SPDYE18: variants seen among roughly 807,000 people sequenced by gnomAD.
SPDYE18 encodes the protein speedy/RINGO cell cycle regulator family member E18, also known as speedy protein E18.
In SPDYE18, 6 loss-of-function variants were observed where a neutral mutation model predicts 44.9. That is an observed-to-expected ratio of 0.13 (90% CI 0.07 to 0.26). The LOEUF (loss-of-function observed/expected upper bound fraction) is 0.26, where lower values mean the gene tolerates loss of function less well. Ranked by LOEUF, SPDYE18 falls within the 10% of genes least tolerant of loss-of-function variation. The pLI is 1.00. For missense variants in SPDYE18, 121 were observed against 463.2 expected (o/e 0.26, Z 6.78); for synonymous variants, 35 against 177.1 (o/e 0.20, Z 6.37).
rs1276504225 is a variant in SPDYE18, at chr7:77,050,962, C to A, written c.*963G>T. Among the ~76,000 whole-genome samples, 2 of 150,636 alleles carry A rather than the reference C, an allele frequency of 1.3e-5. No individual in the cohort carries two copies. Among genetic ancestry groups the A allele is most frequent in the Admixed American group, 1.3e-4 (2 of 15,142 alleles). On this transcript the variant is annotated 3_prime_UTR_variant, in exon 9 of 9. Coordinates refer to ENST00000510091, the MANE Select transcript of SPDYE18 (RefSeq NM_001394953.1). ...AAATAATACTTAAATAATTCTATAC[C>A]CATGTTTTTCAAAATAAACCAATAA...
rs1265435274 is a variant in SPDYE18 at position 77,061,443 on chromosome 7, A to C, written c.-421-510T>G. 3.5e-4 allele frequency among the ~76,000 whole-genome samples: 44 copies of C among 127,276 alleles called. 1 individual carries two copies. Among genetic ancestry groups the C allele is most frequent in the African/African-American group, 1.3e-3 (43 of 33,632 alleles). 83.5% of individuals were successfully genotyped at this position (127,276 alleles called of 152,430 possible). A position where few individuals can be genotyped will look rare whatever the true frequency, so the allele number is the denominator to read the frequency against. On this transcript the variant is annotated intron_variant, in intron 1 of 8. Coordinates refer to ENST00000510091, the MANE Select transcript of SPDYE18 (RefSeq NM_001394953.1). ...TTCCATTTATGGATTCTATGAATAAAATATCACATGTACAAAAAGACTAAG... is the reference window on the plus strand; with the variant it reads ...TTCCATTTATGGATTCTATGAATAACATATCACATGTACAAAAAGACTAAG...
Position 77,051,367 on chromosome 7 carries a change from A to G in SPDYE18, c.*558T>C, listed in dbSNP as rs1789793073. 6.6e-6 allele frequency among the ~76,000 whole-genome samples: 1 copy of G among 152,294 alleles called. No individual in the cohort carries two copies. Among genetic ancestry groups the G allele is most frequent in the Non-Finnish European group, 1.5e-5 (1 of 68,056 alleles). On this transcript the variant is annotated 3_prime_UTR_variant, in exon 9 of 9. Coordinates refer to ENST00000510091, the MANE Select transcript of SPDYE18 (RefSeq NM_001394953.1). ...TGTTTTCAAAAGTACAACAATTTCC[A>G]AACTATTTGAAATAAATCTATGAAT...
chr7:77,051,062 T>G lies in SPDYE18; in HGVS notation c.*863A>C, dbSNP rs1362019704. Among the ~76,000 whole-genome samples the G allele has an allele frequency of 1.3e-5, 2 of 151,916 alleles. No homozygotes were observed. The highest frequency in any genetic ancestry group is 1.5e-5 in the Non-Finnish European group (1 of 67,908). On this transcript the variant is annotated 3_prime_UTR_variant, in exon 9 of 9. Coordinates refer to ENST00000510091, the MANE Select transcript of SPDYE18 (RefSeq NM_001394953.1). ...AAAAATCACAACTGAATTCTCACAA[T>G]TCAGTCACAAACCTAAACAGCAAAT... is the stretch of plus-strand genomic sequence containing the variant.
In SPDYE18 at chr7:77,051,156, A is replaced by G. The variant is rs1427904737; in HGVS notation, c.*769T>C. ...CTACCAATAGCTATAAATAGAAGAG[A>G]TTTTTATGGAAGTATCATAGATAAA... On this transcript the variant is annotated 3_prime_UTR_variant, in exon 9 of 9. Transcript: ENST00000510091. Among the ~76,000 whole-genome samples the G allele has an allele frequency of 6.6e-6, 1 of 152,078 alleles. No homozygotes were observed. The highest frequency in any genetic ancestry group is 1.5e-5 in the Non-Finnish European group (1 of 68,008).
In SPDYE18 at chr7:77,058,697, A is replaced by G. The variant is rs940215504; in HGVS notation, c.379+483T>C. Among the ~76,000 whole-genome samples the G allele has an allele frequency of 7.4e-5, 11 of 148,942 alleles. No individual in the cohort carries two copies. The East Asian group carries it at 8.1e-4, about 11-fold the overall frequency. ...TTGTTAGTATAAATGAGGTTTCGCTATATTGGTCTGGTTGGTCTCGAACAA... is the reference window on the plus strand; with the variant it reads ...TTGTTAGTATAAATGAGGTTTCGCTGTATTGGTCTGGTTGGTCTCGAACAA... On this transcript the variant is annotated intron_variant, in intron 3 of 8. Coordinates refer to ENST00000510091, the MANE Select transcript of SPDYE18 (RefSeq NM_001394953.1).
Position 77,060,430 on chromosome 7 carries a change from T to C in SPDYE18, c.83A>G (p.Asn28Ser), listed in dbSNP as rs989011285. 2.8e-5 allele frequency: 43 copies of C among 1,535,418 alleles called. No homozygotes were observed. Among genetic ancestry groups the C allele is most frequent in the Non-Finnish European group, 3.4e-5 (39 of 1,146,858 alleles). Residue 28 changes from asparagine (N) to serine (S), a missense_variant, in exon 2 of 9, where the codon AAT (asparagine) becomes AGT (serine). Physicochemically the swap from Asn to Ser is conservative, Grantham distance 46. Coordinates refer to ENST00000510091, the MANE Select transcript of SPDYE18 (RefSeq NM_001394953.1). ...ITTSRQPHPQ[N>S]EQSLQRSTSG... is the part of the protein sequence containing the mutation. ...GGTGCTCCGCTGGAGACTCTGCTCA[T>C]TCTGGGGGTGCGGTTGACGGCTGGT...
At chr7:77,056,372 T>C (rs1583976888) in intron 5 of SPDYE18, among the ~76,000 whole-genome samples, 178 bp downstream of exon 5, 1 of 68,356 alleles carries the variant, frequency 1.5e-5, no homozygotes, top group African/African-American at 5.2e-5. Context: ...ATCGAGACAC[T>C]GCCCTCCAGC....
At position 77,060,907 on chromosome 7, in the gene SPDYE18, C is replaced by G. The variant is rs1790011292; in HGVS notation, c.-395G>C. 6.6e-6 allele frequency among the ~76,000 whole-genome samples: 1 copy of G among 151,566 alleles called. No individual in the cohort carries two copies. Among genetic ancestry groups the G allele is most frequent in the Non-Finnish European group, 1.5e-5 (1 of 67,972 alleles). ...GAAGCATGTTGGGGTCTCTTCATCT[C>G]TGTACATGCCCATTTCAGAGTCCAG... On this transcript the variant is annotated 5_prime_UTR_variant, in exon 2 of 9. Coordinates refer to ENST00000510091, the MANE Select transcript of SPDYE18 (RefSeq NM_001394953.1).
intron 8 of SPDYE18, among the ~76,000 whole-genome samples, chr7:77,052,350 C>T (rs1382465963): frequency 1.9e-3 from 288 of 152,142 alleles, no homozygotes; most frequent in African/African-American, 6.5e-3. Context: ...GTTAGCTGCA[C>T]AAGATGTAAA....
chr7:77,057,521 A>G (rs200613679), intron 4 of SPDYE18, 116 bp downstream of exon 4: 179,434 of 568,138 alleles, frequency 0.32, 24,578 homozygotes, highest in African/African-American at 0.54. Context: ...CATTCCTCCC[A>G]CATGGAGAGC....
intron 2 of SPDYE18, 115 bp from the exon 3 acceptor site, chr7:77,059,513 T>G (rs1789985936): frequency 6.7e-7 from 1 of 1,482,354 alleles, no homozygotes; most frequent in Non-Finnish European, 8.8e-7. Context: ...TGCTGGCTTC[T>G]CTAAGCCATC....
At chr7:77,057,176 T>C (rs1789937920) in intron 4 of SPDYE18, among the ~76,000 whole-genome samples, 1 of 152,296 alleles carries the variant, frequency 6.6e-6, no homozygotes, top group Non-Finnish European at 1.5e-5. Flanking sequence ...CTGCAACCTC[T>C]GCCTCCTGGG....
intron 1 of SPDYE18, among the ~76,000 whole-genome samples, 54 bp downstream of exon 1, chr7:77,062,440 GCT>G: frequency 6.6e-6 from 1 of 152,008 alleles, no homozygotes; most frequent in South Asian, 2.1e-4. Context: ...GGAATGAAAA[GCT>G]CTGATTTAAC....
intron 6 of SPDYE18, 102 bp from the exon 7 acceptor site, chr7:77,053,305 A>T: frequency 1.3e-6 from 2 of 1,507,950 alleles, no homozygotes; most frequent in Non-Finnish European, 1.8e-6. Flanking sequence ...TCCCTAGCTC[A>T]GGACTGGCAC....
chr7:77,057,165 G>A (rs3972501), intron 4 of SPDYE18, among the ~76,000 whole-genome samples: 10 of 152,338 alleles, frequency 6.6e-5, no homozygotes, highest in East Asian at 5.8e-4. Context: ...ATCTTGGCTC[G>A]CTGCAACCTC....
At chr7:77,054,872 G>A (rs1320259754) in intron 6 of SPDYE18, among the ~76,000 whole-genome samples, 1 of 152,138 alleles carries the variant, frequency 6.6e-6, no homozygotes, top group African/African-American at 2.4e-5. Context: ...GGTTCAAAGG[G>A]TTCTCTTGCC....
At chr7:77,053,750 A>AT (rs1446338008) in intron 6 of SPDYE18, among the ~76,000 whole-genome samples, 2 of 151,852 alleles carry the variant, frequency 1.3e-5, no homozygotes, top group Non-Finnish European at 2.9e-5. Context: ...GAAGCATAAG[A>AT]ATTGTGTGAA....
At chr7:77,062,233 A>C (rs1336012484) in intron 1 of SPDYE18, among the ~76,000 whole-genome samples, 3 of 145,404 alleles carry the variant, frequency 2.1e-5, no homozygotes, top group Non-Finnish European at 3.0e-5. Context: ...AAGAGGAAGC[A>C]GATCCCATTG....
In SPDYE18 at chr7:77,050,826, GAA is replaced by G. The variant is rs1337024847; in HGVS notation, c.*1097_*1098del. On this transcript the variant is annotated 3_prime_UTR_variant, in exon 9 of 9. Transcript: ENST00000510091. Reference sequence around the variant, plus strand: ...ATAACACCCATCACACAGCTTTATAGAAACAGCATCTATTCAAAAATACCAGT... The same window carrying G: ...ATAACACCCATCACACAGCTTTATAGACAGCATCTATTCAAAAATACCAGT... 3.3e-5 allele frequency among the ~76,000 whole-genome samples: 5 copies of G among 151,100 alleles called. No individual in the cohort carries two copies. The highest frequency in any genetic ancestry group is 5.9e-5 in the Non-Finnish European group (4 of 67,818).
Sources: allele counts gnomAD v4.1 joint callset (sites outside exome capture counted in the v4.1 genomes callset), GRCh38; gene constraint gnomAD v4.1.1; transcripts MANE v1.5; gene names NCBI Gene and HGNC (gene_info 2026-07-23, HGNC 2026-07-21).